The following PDZD2 variants were observed in gnomAD, a reference collection of about 807,000 sequenced individuals.
PDZD2 encodes the protein PDZ domain containing 2, also known as PDZ domain-containing protein 2.
PDZD2 carries 90 observed loss-of-function variants against 220.7 expected under a neutral mutation model. The observed-to-expected ratio is 0.41, with a 90% CI of 0.34 to 0.49. The LOEUF (loss-of-function observed/expected upper bound fraction) is 0.49, where lower values mean the gene tolerates loss of function less well. PDZD2 is among the 20% of genes least tolerant of loss of function. The pLI is 0.28. For missense variants in PDZD2, 3,174 were observed against 3,608.5 expected (o/e 0.88, Z 3.08); for synonymous variants, 1,375 against 1,450.5 (o/e 0.95, Z 1.18).
chr5:31,882,486 C>G (rs1441048808), intron 2 of PDZD2, among the ~76,000 whole-genome samples: 1 of 152,168 alleles, frequency 6.6e-6, no homozygotes, highest in African/African-American at 2.4e-5. Flanking sequence ...GTGTTTTCAG[C>G]AGTATTGCTC....
At chr5:32,061,977 GC>G (rs1270730139) in intron 14 of PDZD2, among the ~76,000 whole-genome samples, 1 of 152,034 alleles carries the variant, frequency 6.6e-6, no homozygotes, top group Non-Finnish European at 1.5e-5. Context: ...TTGCTGTGTT[GC>G]CCAGGCTATT....
At chr5:32,091,275 CTTACT>C in intron 20 of PDZD2, 100 bp downstream of exon 20, 1 of 544,484 alleles carries the variant, frequency 1.8e-6, no homozygotes, top group South Asian at 3.9e-5. Context: ...AGAGTTCCCA[CTTACT>C]TTTTTTTTTT....
At chr5:31,736,539 C>T (rs1749872291) in intron 1 of PDZD2, among the ~76,000 whole-genome samples, 1 of 152,234 alleles carries the variant, frequency 6.6e-6, no homozygotes. Flanking sequence ...GATCTTAAAA[C>T]TGTTTATGCA....
intron 2 of PDZD2, among the ~76,000 whole-genome samples, chr5:31,976,714 C>CTTTTTTTTTTTTTTTTTTT (rs869280921): frequency 2.0e-4 from 20 of 99,710 alleles, no homozygotes; most frequent in East Asian, 3.1e-4. Flanking sequence ...TTTCTTCTTT[C>CTTTTTTTTTTTTTTTTTTT]TTTTTTTTTT....
chr5:31,768,148 G>A (rs1365723836), intron 1 of PDZD2, among the ~76,000 whole-genome samples: 1 of 152,202 alleles, frequency 6.6e-6, no homozygotes, highest in Non-Finnish European at 1.5e-5. Context: ...GGTAGGCAAA[G>A]TCTCACGTCA....
At chr5:31,984,484 C>G (rs952442282) in intron 3 of PDZD2, among the ~76,000 whole-genome samples, 2 of 152,196 alleles carry the variant, frequency 1.3e-5, no homozygotes, top group Non-Finnish European at 2.9e-5. Context: ...GGTTTCTTCT[C>G]TGACTCAGGA....
chr5:31,885,210 G>C (rs1740350107), intron 2 of PDZD2, among the ~76,000 whole-genome samples: 1 of 147,984 alleles, frequency 6.8e-6, no homozygotes, highest in Admixed American at 6.7e-5. Context: ...TAGGTAATCA[G>C]AGAAATGCCA....
At chr5:31,891,010 G>T (rs1027450606) in intron 2 of PDZD2, among the ~76,000 whole-genome samples, 2 of 152,072 alleles carry the variant, frequency 1.3e-5, no homozygotes, top group Admixed American at 6.6e-5. Context: ...TTGCCGCACC[G>T]TATCAACCAG....
intron 2 of PDZD2, among the ~76,000 whole-genome samples, chr5:31,929,333 T>C (rs1745051301): frequency 6.6e-6 from 1 of 152,258 alleles, no homozygotes; most frequent in Non-Finnish European, 1.5e-5. Context: ...ACCTGTGTCA[T>C]GCTGTGTGCT....
chr5:31,776,963 C>T (rs572173827), intron 1 of PDZD2, among the ~76,000 whole-genome samples: 2 of 152,152 alleles, frequency 1.3e-5, no homozygotes, highest in Non-Finnish European at 2.9e-5. Flanking sequence ...CCCTCACTCA[C>T]TCTCAGCACC....
chr5:31,818,487 C>T (rs1018880666), intron 2 of PDZD2, among the ~76,000 whole-genome samples: 2 of 152,016 alleles, frequency 1.3e-5, no homozygotes, highest in African/African-American at 4.8e-5. Flanking sequence ...CTAACTTCAC[C>T]CTAGTTTCTC....
At chr5:31,661,775 TCCTC>T (rs1745772459) in intron 1 of PDZD2, among the ~76,000 whole-genome samples, 1 of 143,424 alleles carries the variant, frequency 7.0e-6, no homozygotes, top group African/African-American at 2.5e-5. Context: ...AATAAGTAGT[TCCTC>T]CCTTGGTTTT....
chr5:31,747,954 TA>T (rs1295990089), intron 1 of PDZD2: 1 of 152,284 alleles, frequency 6.6e-6, no homozygotes, highest in Admixed American at 6.5e-5. Flanking sequence ...TTTTCTCTGT[TA>T]AAACTCTGGA....
rs186582076 is a variant in PDZD2 at position 31,899,381 on chromosome 5, C to T, written c.477-83774C>T. Among the ~76,000 whole-genome samples, 51 of 152,308 alleles carry T rather than the reference C, an allele frequency of 3.3e-4. No individual in the cohort carries two copies. In the East Asian group the frequency reaches 9.5e-3, roughly 28 times the overall value. On this transcript the variant is annotated intron_variant, in intron 2 of 24. Coordinates refer to ENST00000438447, the MANE Select transcript of PDZD2 (RefSeq NM_178140.4). The stretch of plus-strand genomic sequence containing the variant: ...CGCCTGACCGCAAGTGATCCGCCCA[C>T]CTCATCCTCCCAAACTGCTGGGATT...
chr5:32,020,611 G>T (rs1581295282), intron 6 of PDZD2, among the ~76,000 whole-genome samples: 1 of 151,044 alleles, frequency 6.6e-6, no homozygotes. Context: ...TTCAGTTATT[G>T]TGCTGGATTA....
At chr5:31,839,929 T>A (rs924495222) in intron 2 of PDZD2, among the ~76,000 whole-genome samples, 1 of 152,216 alleles carries the variant, frequency 6.6e-6, no homozygotes, top group Non-Finnish European at 1.5e-5. Flanking sequence ...CCTTCTGCCA[T>A]GATTGTTAAG....
chr5:31,833,668 G>T (rs1363075933), intron 2 of PDZD2, among the ~76,000 whole-genome samples: 1 of 128,198 alleles, frequency 7.8e-6, no homozygotes, highest in South Asian at 2.5e-4. Context: ...AAAGAAAAAA[G>T]AAACAAACAA....
intron 2 of PDZD2, among the ~76,000 whole-genome samples, chr5:31,803,931 C>T (rs1016614638): frequency 1.3e-5 from 2 of 151,388 alleles, no homozygotes; most frequent in African/African-American, 2.4e-5. Flanking sequence ...CCCAGCTACT[C>T]GAGAGGCTGA....
intron 1 of PDZD2, among the ~76,000 whole-genome samples, chr5:31,730,594 T>TGTG (rs1749482600): frequency 7.6e-6 from 1 of 132,252 alleles, no homozygotes; most frequent in African/African-American, 3.1e-5. Flanking sequence ...GTGTGTGTGG[T>TGTG]GTGTGTGTGT....
Sources: gnomAD v4.1 joint callset for allele counts (sites outside exome capture counted in the v4.1 genomes callset) on GRCh38, gnomAD v4.1.1 for gene constraint, MANE v1.5 for transcripts, NCBI Gene and HGNC (gene_info 2026-07-23, HGNC 2026-07-21) for gene names.